The following KHDRBS2 variants were observed in gnomAD, a reference collection of about 807,000 sequenced individuals.
The protein encoded by KHDRBS2 is KH RNA binding domain containing, signal transduction associated 2.
A neutral mutation model predicts 44.3 loss-of-function variants in KHDRBS2; 26 were observed. The observed-to-expected ratio is 0.59, with a 90% CI of 0.43 to 0.81. KHDRBS2 has a LOEUF of 0.81. Among genes scored for constraint, KHDRBS2 ranks in the 40% least tolerant of loss-of-function variants. The pLI, the probability that KHDRBS2 is intolerant of heterozygous loss-of-function variation, is 0.00. For missense variants in KHDRBS2, 476 were observed against 433.1 expected, an observed-to-expected ratio of 1.10 and a Z score of -0.88; for synonymous variants, 194 against 151.1, an observed-to-expected ratio of 1.28 and a Z score of -2.08.
At chr6:61,952,881 CTG>C (rs1458913797) in intron 4 of KHDRBS2, among the ~76,000 whole-genome samples, 2 of 152,048 alleles carry the variant, frequency 1.3e-5, no homozygotes, top group Non-Finnish European at 2.9e-5. Flanking sequence ...CACATTATCT[CTG>C]TGTATATTCT....
chr6:62,032,029 A>G (rs1784421643), intron 3 of KHDRBS2, among the ~76,000 whole-genome samples: 1 of 152,118 alleles, frequency 6.6e-6, no homozygotes, highest in Admixed American at 6.6e-5. Flanking sequence ...TAGGTGGCTT[A>G]GAAGAGAGAC....
At chr6:61,902,457 A>G (rs1804232667) in intron 4 of KHDRBS2, among the ~76,000 whole-genome samples, 1 of 152,002 alleles carries the variant, frequency 6.6e-6, no homozygotes, top group South Asian at 2.1e-4. Flanking sequence ...GGTAAATGCT[A>G]CCTTCAAAAA....
intron 2 of KHDRBS2, among the ~76,000 whole-genome samples, chr6:62,086,881 A>T (rs1798489292): frequency 2.0e-5 from 3 of 152,128 alleles, no homozygotes; most frequent in East Asian, 1.9e-4. Context: ...GATCCATTTC[A>T]TCATACTGAG....
chr6:61,770,396 G>A (rs1245945020), intron 6 of KHDRBS2, among the ~76,000 whole-genome samples: 5 of 152,120 alleles, frequency 3.3e-5, no homozygotes, highest in African/African-American at 1.2e-4. Flanking sequence ...CCGAGCTACA[G>A]GAGGAAATTC....
chr6:61,603,424 C>A, the KHDRBS2 span, among the ~76,000 whole-genome samples: 1 of 152,174 alleles, frequency 6.6e-6, no homozygotes, highest in Non-Finnish European at 1.5e-5. Context: ...CTGACCCTGA[C>A]ACCCATCAGG....
the KHDRBS2 span, among the ~76,000 whole-genome samples, chr6:61,615,448 A>G: frequency 6.6e-6 from 1 of 152,166 alleles, no homozygotes; most frequent in Admixed American, 6.5e-5. Context: ...ATAGTTCAAA[A>G]TTTAACAATA....
At chr6:61,545,933 C>A in the KHDRBS2 span, among the ~76,000 whole-genome samples, 16 of 152,218 alleles carry the variant, frequency 1.1e-4, no homozygotes, top group African/African-American at 2.9e-4. Context: ...CAGAAAGACG[C>A]ATCGCTATTC....
intron 6 of KHDRBS2, among the ~76,000 whole-genome samples, chr6:61,811,688 A>G (rs142053897): frequency 4.0e-4 from 61 of 152,202 alleles, no homozygotes; most frequent in African/African-American, 1.4e-3. Flanking sequence ...CAGCTTCAAT[A>G]TCATTTGCTC....
the KHDRBS2 span, among the ~76,000 whole-genome samples, chr6:61,649,012 A>T: frequency 2.6e-5 from 4 of 152,074 alleles, no homozygotes; most frequent in African/African-American, 9.7e-5. Context: ...TGGTTGATCA[A>T]GGGGAAAAAA....
chr6:61,916,606 T>C (rs1033473742), intron 4 of KHDRBS2, among the ~76,000 whole-genome samples: 3 of 151,898 alleles, frequency 2.0e-5, no homozygotes, highest in Non-Finnish European at 4.4e-5. Flanking sequence ...AGCCACAGAC[T>C]TGGAAAAATA....
At chr6:61,915,747 G>C (rs1468511630) in intron 4 of KHDRBS2, among the ~76,000 whole-genome samples, 1 of 151,992 alleles carries the variant, frequency 6.6e-6, no homozygotes, top group African/African-American at 2.4e-5. Flanking sequence ...GTTACAAAAA[G>C]AGTTTTATGC....
Position 62,183,470 on chromosome 6 carries a change from T to G in KHDRBS2, c.92-6158A>C, listed in dbSNP as rs563622095. Among the ~76,000 whole-genome samples, 319 of 151,698 alleles carry G rather than the reference T, an allele frequency of 2.1e-3. 1 individual carries two copies. The highest frequency in any genetic ancestry group is 7.2e-3 in the African/African-American group (300 of 41,508). On this transcript the variant is annotated intron_variant, in intron 1 of 8. Transcript: ENST00000281156. Reference sequence around the variant, plus strand: ...TTACATAGAACTATTTATGCCTAATTTCTTTATAGAGGGTGAATTACATGG... The same window carrying G: ...TTACATAGAACTATTTATGCCTAATGTCTTTATAGAGGGTGAATTACATGG...
rs186695994 is a variant in KHDRBS2 at position 61,811,882 on chromosome 6, T to G, written c.811-79118A>C. ...TGATGTTTCTTCATGTACAATTCGG[T>G]TTACACTTATTCCAGTTCCAGTGTG... is the stretch of plus-strand genomic sequence containing the variant. On this transcript the variant is annotated intron_variant, in intron 6 of 8. Coordinates refer to ENST00000281156, the MANE Select transcript of KHDRBS2 (RefSeq NM_152688.4). 7.4e-4 allele frequency among the ~76,000 whole-genome samples: 112 copies of G among 152,212 alleles called. 1 individual carries two copies. Among genetic ancestry groups the G allele is most frequent in the Middle Eastern group, 6.8e-3 (2 of 294 alleles).
At chr6:61,635,325 A>T in the KHDRBS2 span, among the ~76,000 whole-genome samples, 1 of 152,002 alleles carries the variant, frequency 6.6e-6, no homozygotes, top group Non-Finnish European at 1.5e-5. Flanking sequence ...AGAAGACGTG[A>T]AGATAAAAGG....
the KHDRBS2 span, among the ~76,000 whole-genome samples, chr6:61,580,232 C>A: frequency 6.6e-6 from 1 of 152,222 alleles, no homozygotes; most frequent in Admixed American, 6.5e-5. Flanking sequence ...AGAGGTGAAG[C>A]CAGCTGGGCT....
At chr6:61,668,261 A>AT in the KHDRBS2 span, among the ~76,000 whole-genome samples, 4 of 151,110 alleles carry the variant, frequency 2.6e-5, no homozygotes, top group South Asian at 4.2e-4. Context: ...TAGTAGTCCT[A>AT]TTTTTTAATA....
rs1363548105 is a variant in KHDRBS2, at chr6:62,273,954, T to C, written c.91+11904A>G. Among the ~76,000 whole-genome samples, 5 of 152,196 alleles carry C rather than the reference T, an allele frequency of 3.3e-5. No homozygotes were observed. In the East Asian group the frequency reaches 7.7e-4, roughly 24 times the overall value. On this transcript the variant is annotated intron_variant, in intron 1 of 8. Coordinates refer to ENST00000281156, the MANE Select transcript of KHDRBS2 (RefSeq NM_152688.4). ...ACTTGAATTCTTTTATTTTTTATTT[T>C]TTTGAAATGGAGTCTCTGTCACCCA...
intron 1 of KHDRBS2, among the ~76,000 whole-genome samples, chr6:62,268,058 G>A (rs1284651079): frequency 6.6e-6 from 1 of 151,882 alleles, no homozygotes; most frequent in African/African-American, 2.4e-5. Flanking sequence ...TAATCCTATG[G>A]GAACACATTT....
At chr6:61,982,595 C>T (rs1273871999) in intron 3 of KHDRBS2, among the ~76,000 whole-genome samples, 3 of 150,844 alleles carry the variant, frequency 2.0e-5, no homozygotes, top group African/African-American at 4.9e-5. Context: ...GGCATGAACC[C>T]GGAAGGTGGA....
Sources: allele counts gnomAD v4.1 joint callset (sites outside exome capture counted in the v4.1 genomes callset), GRCh38; gene constraint gnomAD v4.1.1; transcripts MANE v1.5; gene names NCBI Gene and HGNC (gene_info 2026-07-23, HGNC 2026-07-21).